SOCS6: variants seen among roughly 807,000 people sequenced by gnomAD.
SOCS6 encodes STAT induced STAT inhibitor-4.
A neutral mutation model predicts 27.7 loss-of-function variants in SOCS6; 5 were observed. That is an observed-to-expected ratio of 0.18 (90% confidence interval 0.09 to 0.38). The LOEUF (loss-of-function observed/expected upper bound fraction) is 0.38, where lower values mean the gene tolerates loss of function less well. Among genes scored for constraint, SOCS6 ranks in the 10% least tolerant of loss-of-function variants. SOCS6 has a pLI of 1.00. For synonymous variants in SOCS6, 271 were observed against 260.0 expected (o/e 1.04, Z -0.41); for missense variants, 595 against 688.1 (o/e 0.86, Z 1.51).
At chr18:70,324,490 A>G in intron 1 of SOCS6, 53 bp from the exon 2 acceptor site, 1 of 511,948 alleles carries the variant, frequency 2.0e-6, no homozygotes, top group East Asian at 3.4e-5. Context: ...CTAAAACAAA[A>G]CTTTTGTGGA....
intron 1 of SOCS6, chr18:70,296,639 TCA>T (rs1217715483): frequency 6.6e-6 from 1 of 152,270 alleles, no homozygotes; most frequent in Admixed American, 6.5e-5. Context: ...CGTCCGGTTT[TCA>T]GTGTTACTGT....
chr18:70,302,231 A>G (rs2062351197), intron 1 of SOCS6, among the ~76,000 whole-genome samples: 1 of 147,746 alleles, frequency 6.8e-6, no homozygotes, highest in Non-Finnish European at 1.5e-5. Flanking sequence ...GAGTGGGTAG[A>G]TGGGAGCCGA....
At chr18:70,291,270 C>T (rs975822222) in intron 1 of SOCS6, among the ~76,000 whole-genome samples, 3 of 152,138 alleles carry the variant, frequency 2.0e-5, no homozygotes, top group African/African-American at 7.2e-5. Context: ...CCACACCTGG[C>T]TGATTGTTTT....
rs1911327080 is a variant in SOCS6, at chr18:70,329,236, A to G, written c.*2960A>G. 6.0e-6 allele frequency: 1 copy of G among 167,104 alleles called. No individual in the cohort carries two copies. The highest frequency in any genetic ancestry group is 1.9e-4 in the East Asian group (1 of 5,206). 10.4% of individuals were successfully genotyped at this position (167,104 alleles called of 1,614,324 possible). A position where few individuals can be genotyped will look rare whatever the true frequency, so the allele number is the denominator to read the frequency against. ...TAATCTGAAAATTTAGAAGGTCAAA[A>G]TATGTCACAGGAAATGATCATAGAC... On this transcript the variant is annotated 3_prime_UTR_variant, in exon 2 of 2. Coordinates refer to ENST00000397942, the MANE Select transcript of SOCS6 (RefSeq NM_004232.4).
At chr18:70,310,910 A>G (rs1443995135) in intron 1 of SOCS6, among the ~76,000 whole-genome samples, 1 of 152,142 alleles carries the variant, frequency 6.6e-6, no homozygotes, top group Non-Finnish European at 1.5e-5. Context: ...AAATTATTAA[A>G]CTAAGGTTCA....
rs777982492 is a variant in SOCS6, at chr18:70,325,907, C to T, written c.1239C>T (p.Asp413=). Residue 413 remains aspartate, a synonymous_variant, in exon 2 of 2, where the codon GAC becomes GAT. Transcript: ENST00000397942. The surrounding 1 kb of genome is among the most constrained non-coding windows in gnomAD (Gnocchi z 6.3). ...CTTTTCTTGTTCGGGACAGTTCTGA[C>T]GACCGTTACCTTTTAAGCTTGAGCT... The part of the protein sequence containing the change: ...DGSFLVRDSS[D]DRYLLSLSFR... 3.1e-6 allele frequency: 5 copies of T among 1,614,184 alleles called. No homozygotes were observed. The Admixed American group carries it at 5.0e-5, about 16-fold the overall frequency.
intron 1 of SOCS6, among the ~76,000 whole-genome samples, chr18:70,319,419 G>A (rs993915156): frequency 5.9e-5 from 9 of 151,942 alleles, no homozygotes; most frequent in African/African-American, 2.2e-4. Context: ...TAAGCCTGTG[G>A]CTCTGGTCTG....
chr18:70,302,750 G>GTA (rs1214220274), intron 1 of SOCS6, among the ~76,000 whole-genome samples: 75 of 125,802 alleles, frequency 6.0e-4, no homozygotes, highest in African/African-American at 1.8e-3. Flanking sequence ...GTTCCTAACT[G>GTA]TATATATATA....
intron 1 of SOCS6, among the ~76,000 whole-genome samples, chr18:70,302,168 G>A (rs1387767879): frequency 2.0e-5 from 3 of 152,178 alleles, no homozygotes; most frequent in Admixed American, 6.5e-5. Flanking sequence ...GCCAGCTGAC[G>A]GTGGGGGCCC....
chr18:70,312,455 T>G (rs2062394415), intron 1 of SOCS6, among the ~76,000 whole-genome samples: 1 of 152,234 alleles, frequency 6.6e-6, no homozygotes, highest in Admixed American at 6.5e-5. Context: ...TTTAAATTTT[T>G]GATAAATATT....
chr18:70,293,051 C>A (rs894139521), intron 1 of SOCS6, among the ~76,000 whole-genome samples: 4 of 152,082 alleles, frequency 2.6e-5, no homozygotes, highest in Non-Finnish European at 4.4e-5. Flanking sequence ...CCCGCCACCC[C>A]CCCCAAATAA....
chr18:70,324,880 A>G lies in SOCS6; in HGVS notation c.212A>G (p.Glu71Gly). Reference protein sequence around the residue: ...EKGGKNRSKSESLMGTLKRRL... With the variant: ...EKGGKNRSKSGSLMGTLKRRL... ...GGCGGAAAAAACAGATCAAAAAGCG[A>G]GAGCCTGATGGGTACGCTAAAAAGG... Residue 71 changes from glutamate to glycine, a missense_variant, in exon 2 of 2, where the codon GAG (glutamate) becomes GGG (glycine). Physicochemically the swap from Glu to Gly is moderately conservative, Grantham distance 98. Around this residue, in one of 2 missense-constraint regions of SOCS6, gnomAD observed 467 missense variants for 481.1 expected, o/e 0.97. Coordinates refer to ENST00000397942, the MANE Select transcript of SOCS6 (RefSeq NM_004232.4). 4 of 1,614,200 alleles carry G rather than the reference A, an allele frequency of 2.5e-6. No individual in the cohort carries two copies. Among genetic ancestry groups the G allele is most frequent in the Non-Finnish European group, 3.4e-6 (4 of 1,180,036 alleles).
chr18:70,305,349 CAAG>C (rs976730020), intron 1 of SOCS6, among the ~76,000 whole-genome samples: 1 of 152,222 alleles, frequency 6.6e-6, no homozygotes, highest in Admixed American at 6.5e-5. Flanking sequence ...CACCATTTGT[CAAG>C]AAGACTTTCC....
intron 1 of SOCS6, among the ~76,000 whole-genome samples, chr18:70,304,026 C>A (rs1049246454): frequency 6.6e-6 from 1 of 152,076 alleles, no homozygotes; most frequent in Non-Finnish European, 1.5e-5. Flanking sequence ...TAGATTTAAT[C>A]AAGGACTTAA....
intron 1 of SOCS6, among the ~76,000 whole-genome samples, chr18:70,298,677 A>G (rs1294973230): frequency 1.3e-5 from 2 of 152,146 alleles, no homozygotes; most frequent in Non-Finnish European, 1.5e-5. Flanking sequence ...GTCTCCACTG[A>G]TTTAGAGTTA....
At position 70,327,777 on chromosome 18, in the gene SOCS6, G is replaced by C. The variant is rs1911266370; in HGVS notation, c.*1501G>C. ...TATCTCAGATGAAACATGTAATTTG[G>C]GATGGTTCTTCCTTTGTCACTTAAA... On this transcript the variant is annotated 3_prime_UTR_variant, in exon 2 of 2. Coordinates refer to ENST00000397942, the MANE Select transcript of SOCS6 (RefSeq NM_004232.4). The C allele has an allele frequency of 6.0e-6, 1 of 166,796 alleles. No individual in the cohort carries two copies. The highest frequency in any genetic ancestry group is 2.4e-5 in the African/African-American group (1 of 41,418). The allele number at this position is 166,796 out of a possible 1,614,324, so 10.3% of individuals were successfully genotyped here.
intron 1 of SOCS6, among the ~76,000 whole-genome samples, chr18:70,307,870 T>G (rs1463478056): frequency 6.6e-6 from 1 of 152,188 alleles, no homozygotes; most frequent in African/African-American, 2.4e-5. Flanking sequence ...ACATTTACTA[T>G]TTTATTCTAC....
intron 1 of SOCS6, among the ~76,000 whole-genome samples, chr18:70,318,898 T>C (rs1910872504): frequency 6.6e-6 from 1 of 151,370 alleles, no homozygotes; most frequent in Non-Finnish European, 1.5e-5. Context: ...ATGGTGCCAT[T>C]GCACTCCAGC....
intron 1 of SOCS6, among the ~76,000 whole-genome samples, chr18:70,313,682 C>T (rs548929963): frequency 6.6e-6 from 1 of 152,268 alleles, no homozygotes; most frequent in South Asian, 2.1e-4. Flanking sequence ...AGACTCTTCC[C>T]ATATGTCTCT....
Sources: allele counts gnomAD v4.1 joint callset (sites outside exome capture counted in the v4.1 genomes callset), GRCh38; gene constraint gnomAD v4.1.1; regional missense constraint gnomAD v4.1.1; non-coding constraint Gnocchi (gnomAD v3.1); transcripts MANE v1.5; gene names NCBI Gene and HGNC (gene_info 2026-07-23, HGNC 2026-07-21).